Variants in NSFL1C observed in about 807,000 individuals in gnomAD.
The protein encoded by NSFL1C is NSFL1 cofactor p47.
Under a neutral mutation model 43.1 loss-of-function variants are expected in NSFL1C, and 14 were observed. The ratio of observed to expected loss-of-function variants is 0.32; its 90% confidence interval spans 0.21 to 0.51. The LOEUF is 0.51. Ranked by LOEUF, NSFL1C falls within the 20% of genes least tolerant of loss-of-function variation. The pLI is 0.98. For missense variants in NSFL1C, 406 were observed against 472.5 expected (o/e 0.86, Z 1.30); for synonymous variants, 171 against 183.5 (o/e 0.93, Z 0.55).
Position 1,455,032 on chromosome 20 carries a change from T to G in NSFL1C, c.379A>C (p.Lys127Gln). 1.2e-6 allele frequency: 2 copies of G among 1,614,198 alleles called. No individual in the cohort carries two copies. The highest frequency in any genetic ancestry group is 1.7e-6 in the Non-Finnish European group (2 of 1,180,034). ...ELVDDLFKGAKEHGAVAVERV... is the reference protein window; with the variant it reads ...ELVDDLFKGAQEHGAVAVERV... The stretch of plus-strand genomic sequence containing the variant: ...TCCACAGCTACAGCTCCATGCTCTT[T>G]GGCACCTTTAAAGAGATCATCCACC... Residue 127 changes from lysine to glutamine, a missense_variant, in exon 4 of 9, where the codon AAA becomes CAA. Physicochemically the swap from Lys to Gln is moderately conservative, Grantham distance 53. Coordinates refer to ENST00000216879, the MANE Select transcript of NSFL1C (RefSeq NM_016143.5).
At position 1,453,046 on chromosome 20, in the gene NSFL1C, T is replaced by C; in HGVS notation, c.632A>G (p.Glu211Gly). ...TTTCACTCACCCTCTGCGGATAGAC[T>C]CCAGAAACTGGGCATTGGATGGGTC... ...YQDPSNAQFL[E>G]SIRRGEVPAE... Residue 211 changes from glutamate (E) to glycine (G), a missense_variant, in exon 6 of 9, where the codon GAG (glutamate) becomes GGG (glycine). Transcript: ENST00000216879. The C allele has an allele frequency of 6.2e-7, 1 of 1,607,754 alleles. No individual in the cohort carries two copies. Among genetic ancestry groups the C allele is most frequent in the Non-Finnish European group, 8.5e-7 (1 of 1,174,160 alleles).
intron 2 of NSFL1C, 54 bp from the exon 3 acceptor site, chr20:1,458,328 C>T: frequency 6.8e-7 from 1 of 1,462,396 alleles, no homozygotes; most frequent in Non-Finnish European, 9.6e-7. Context: ...GAAAGGTAAC[C>T]CTCATCACCA....
chr20:1,461,079 T>C (rs2090400656), intron 2 of NSFL1C, among the ~76,000 whole-genome samples: 1 of 152,196 alleles, frequency 6.6e-6, no homozygotes, highest in Admixed American at 6.5e-5. Context: ...GTAAGCACCT[T>C]ACCTATTTCA....
intron 8 of NSFL1C, among the ~76,000 whole-genome samples, chr20:1,444,743 T>C (rs1011500619): frequency 1.3e-5 from 2 of 152,198 alleles, no homozygotes; most frequent in Non-Finnish European, 2.9e-5. Flanking sequence ...ACCCTGGGAA[T>C]GGGCAGCAGT....
chr20:1,455,860 C>T (rs754547997), intron 3 of NSFL1C: 2 of 717,398 alleles, frequency 2.8e-6, no homozygotes, highest in Non-Finnish European at 5.2e-6. Context: ...ATGTGACACA[C>T]ACTGTGGCCC....
intron 8 of NSFL1C, 134 bp downstream of exon 8, chr20:1,445,532 C>T: frequency 2.0e-6 from 2 of 1,006,826 alleles, no homozygotes; most frequent in South Asian, 3.1e-5. Context: ...CCTTACCACC[C>T]TCGTGTCTGC....
intron 7 of NSFL1C, among the ~76,000 whole-genome samples, chr20:1,451,532 G>T (rs568560002): frequency 6.6e-6 from 1 of 152,188 alleles, no homozygotes; most frequent in Non-Finnish European, 1.5e-5. Flanking sequence ...CCAAGGAAAG[G>T]CCCCTAATAT....
rs1264779309 is a variant in NSFL1C at position 1,454,321 on chromosome 20, T to G, written c.445-16A>C. 1.3e-6 allele frequency: 2 copies of G among 1,587,904 alleles called. No individual in the cohort carries two copies. Among genetic ancestry groups the G allele is most frequent in the Admixed American group, 3.3e-5 (2 of 59,990 alleles). ...CTGCAAATGGCTATAAGGGACAAGT[T>G]CATACACATTTAAGGGGTTGGTCCA... On this transcript the variant is annotated splice_polypyrimidine_tract_variant and intron_variant, in intron 4 of 8. Transcript: ENST00000216879.
intron 1 of NSFL1C, 88 bp from the exon 2 acceptor site, chr20:1,464,514 G>T: frequency 9.5e-7 from 1 of 1,052,382 alleles, no homozygotes; most frequent in Non-Finnish European, 1.5e-6. Flanking sequence ...TACAGACATG[G>T]CCAACACTTA....
At chr20:1,456,151 G>A (rs1278155770) in intron 3 of NSFL1C, 1 of 190,372 alleles carries the variant, frequency 5.3e-6, no homozygotes, top group African/African-American at 2.3e-5. Flanking sequence ...GGGAATGAGA[G>A]GCAAAGCCAC....
At chr20:1,464,773 A>G (rs1370358943) in intron 1 of NSFL1C, among the ~76,000 whole-genome samples, 1 of 152,232 alleles carries the variant, frequency 6.6e-6, no homozygotes, top group Non-Finnish European at 1.5e-5. Flanking sequence ...TAATTTGTTT[A>G]ATCCTCAAGA....
rs41306906 is a variant in NSFL1C at position 1,463,944 on chromosome 20, C to T, written c.203+385G>A. 7.7e-3 allele frequency: 1,447 copies of T among 188,678 alleles called. 6 individuals are homozygous for T. Among genetic ancestry groups the T allele is most frequent in the Middle Eastern group, 0.015 (7 of 468 alleles). 11.7% of individuals were successfully genotyped at this position (188,678 alleles called of 1,614,324 possible). ...TGTACAAGACTTCTTAATAAGGTAA[C>T]GGGCATCCTAAAATATCAAAACAGC... is the stretch of plus-strand genomic sequence containing the variant. On this transcript the variant is annotated intron_variant, in intron 2 of 8. Coordinates refer to ENST00000216879, the MANE Select transcript of NSFL1C (RefSeq NM_016143.5).
intron 7 of NSFL1C, among the ~76,000 whole-genome samples, chr20:1,447,394 CA>C (rs1391067650): frequency 6.6e-6 from 1 of 151,496 alleles, no homozygotes; most frequent in East Asian, 1.9e-4. Context: ...CAGCCCAACA[CA>C]AATTTGTAAA....
intron 7 of NSFL1C, among the ~76,000 whole-genome samples, chr20:1,450,037 A>G (rs2090152913): frequency 6.6e-6 from 1 of 152,198 alleles, no homozygotes. Context: ...AAACAACAAA[A>G]AAAATTTAAT....
intron 1 of NSFL1C, 105 bp downstream of exon 1, chr20:1,466,613 GTA>G: frequency 9.1e-7 from 1 of 1,094,094 alleles, no homozygotes; most frequent in Non-Finnish European, 1.3e-6. Flanking sequence ...TCGGGCCGCG[GTA>G]GAGCGGGGAT....
At chr20:1,458,498 G>A (rs2090348427) in intron 2 of NSFL1C, among the ~76,000 whole-genome samples, 1 of 152,148 alleles carries the variant, frequency 6.6e-6, no homozygotes, top group South Asian at 2.1e-4. Flanking sequence ...GTCCTATCAT[G>A]AGGTAAAATG....
chr20:1,446,296 G>A (rs2090058702), intron 7 of NSFL1C: 1 of 241,442 alleles, frequency 4.1e-6, no homozygotes, highest in African/African-American at 2.3e-5. Flanking sequence ...GCAGGATGCA[G>A]GCAAAGCAAT....
chr20:1,454,446 T>C (rs2090253567), intron 4 of NSFL1C, 141 bp from the exon 5 acceptor site: 2 of 626,732 alleles, frequency 3.2e-6, no homozygotes, highest in Admixed American at 2.8e-5. Context: ...CTAGATGCAC[T>C]TTCTCTGATA....
intron 2 of NSFL1C, among the ~76,000 whole-genome samples, chr20:1,461,794 G>A (rs573411397): frequency 1.3e-5 from 2 of 152,256 alleles, no homozygotes; most frequent in African/African-American, 2.4e-5. Flanking sequence ...ACTAACAACA[G>A]TACTAACCTC....
Sources: allele counts gnomAD v4.1 joint callset (sites outside exome capture counted in the v4.1 genomes callset), GRCh38; gene constraint gnomAD v4.1.1; transcripts MANE v1.5; gene names NCBI Gene and HGNC (gene_info 2026-07-23, HGNC 2026-07-21).